The following RASSF6 variants were observed in gnomAD, a reference collection of about 807,000 sequenced individuals.
RASSF6 encodes Ras association domain family member 6, also known as ras association domain-containing protein 6.
A neutral mutation model predicts 44.0 loss-of-function variants in RASSF6; 52 were observed. That is an observed-to-expected ratio of 1.18 (90% CI 0.95 to 1.49). RASSF6 has a LOEUF of 1.49. Ranked by LOEUF, RASSF6 falls within the 40% of genes most tolerant of loss-of-function variation. The pLI, the probability that RASSF6 is intolerant of heterozygous loss-of-function variation, is 0.00. For synonymous variants in RASSF6, 162 were observed against 124.6 expected, an observed-to-expected ratio of 1.30 and a Z score of -2.00; for missense variants, 464 against 393.3, an observed-to-expected ratio of 1.18 and a Z score of -1.52.
Position 73,576,430 on chromosome 4 carries a change from C to A in RASSF6, c.918G>T (p.Glu306Asp), listed in dbSNP as rs1462742398. ...CTTACTTTGTTACTATTCTTTGAAT[C>A]TCTCTTTTCTCTTCTTCATTTAATC... ...LQRLNEEEKR[E>D]IQRIVTKFNK... is the part of the protein sequence containing the mutation. Residue 306 changes from glutamate (E) to aspartate (D), a missense_variant, in exon 10 of 11, where the codon GAG (glutamate) becomes GAT (aspartate). Physicochemically the swap from Glu to Asp is conservative, Grantham distance 45. Transcript: ENST00000307439. 15 of 1,572,770 alleles carry A rather than the reference C, an allele frequency of 9.5e-6. No homozygotes were observed. The highest frequency in any genetic ancestry group is 2.7e-5 in the African/African-American group (2 of 73,596).
At position 73,603,487 on chromosome 4, in the gene RASSF6, G is replaced by C. The variant is rs1490341026; in HGVS notation, c.66-4769C>G. 2.6e-5 allele frequency among the ~76,000 whole-genome samples: 4 copies of C among 152,012 alleles called. No homozygotes were observed. In the South Asian group the frequency reaches 6.2e-4, roughly 24 times the overall value. ...ACTGACCTTGGTGGGGGGCAGGTCA[G>C]GGGGAGGGATGCTGAGGGGATCCCA... On this transcript the variant is annotated intron_variant, in intron 2 of 10. Transcript: ENST00000307439.
At chr4:73,593,085 G>A (rs1724681187) in intron 4 of RASSF6, among the ~76,000 whole-genome samples, 1 of 150,502 alleles carries the variant, frequency 6.6e-6, no homozygotes, top group Non-Finnish European at 1.5e-5. Context: ...GCGCAATCTC[G>A]GCTCACTGCA....
chr4:73,590,400 T>A (rs185466291), intron 4 of RASSF6, among the ~76,000 whole-genome samples: 161 of 152,334 alleles, frequency 1.1e-3, no homozygotes, highest in Middle Eastern at 3.4e-3. Context: ...TCTGTCATCC[T>A]GCAAGAGCAG....
Position 73,572,499 on chromosome 4 carries a change from T to C in RASSF6, c.*3736A>G, listed in dbSNP as rs963824436. On this transcript the variant is annotated 3_prime_UTR_variant, in exon 11 of 11. Transcript: ENST00000307439. Reference sequence around the variant, plus strand: ...GTATACATATATAATAATATAATATTGTACCCCATAAATACATACAATTAT... The same window carrying C: ...GTATACATATATAATAATATAATATCGTACCCCATAAATACATACAATTAT... The C allele has an allele frequency of 2.0e-5, 3 of 152,114 alleles. No individual in the cohort carries two copies. Among genetic ancestry groups the C allele is most frequent in the Non-Finnish European group, 4.4e-5 (3 of 68,022 alleles). The allele number at this position is 152,114 out of a possible 1,614,324, so 9.4% of individuals were successfully genotyped here. A position where few individuals can be genotyped will look rare whatever the true frequency, so the allele number is the denominator to read the frequency against.
chr4:73,611,522 C>T (rs755967217), intron 2 of RASSF6, among the ~76,000 whole-genome samples: 4 of 151,944 alleles, frequency 2.6e-5, no homozygotes, highest in East Asian at 1.9e-4. Context: ...AAAGTAAAAC[C>T]ACTGTTAAAC....
intron 6 of RASSF6, 55 bp downstream of exon 6, chr4:73,585,125 A>T: frequency 8.0e-7 from 1 of 1,249,766 alleles, no homozygotes; most frequent in Non-Finnish European, 1.1e-6. Flanking sequence ...TGGTATTGTT[A>T]GTGAAACAGG....
intron 6 of RASSF6, among the ~76,000 whole-genome samples, chr4:73,582,749 G>A (rs1250164015): frequency 6.6e-6 from 1 of 151,886 alleles, no homozygotes; most frequent in African/African-American, 2.4e-5. Context: ...GTGGCTCATT[G>A]GACTGTTAAA....
At chr4:73,597,503 G>A (rs994921589) in intron 3 of RASSF6, among the ~76,000 whole-genome samples, 2 of 152,104 alleles carry the variant, frequency 1.3e-5, no homozygotes, top group Non-Finnish European at 2.9e-5. Flanking sequence ...GGAGAAAAAG[G>A]AACCCTTATA....
chr4:73,615,753 G>C (rs1448939535), intron 1 of RASSF6: 10 of 664,532 alleles, frequency 1.5e-5, no homozygotes, highest in African/African-American at 5.5e-5. Flanking sequence ...GGTAGAATTG[G>C]TCTGAACAAG....
At chr4:73,591,750 T>C (rs1217751771) in intron 4 of RASSF6, among the ~76,000 whole-genome samples, 1 of 152,006 alleles carries the variant, frequency 6.6e-6, no homozygotes, top group East Asian at 1.9e-4. Context: ...AGGGACTAAG[T>C]AGTGACAACA....
rs112201482 is a variant in RASSF6 at position 73,610,689 on chromosome 4, C to T, written c.65+1042G>A. ...TGCAGGCTTTTCCTCCAGTGCTTCC[C>T]GCTCACTGAGGAAGGAACTAGGTTA... On this transcript the variant is annotated intron_variant, in intron 2 of 10. Transcript: ENST00000307439. Among the ~76,000 whole-genome samples, 1,129 of 152,294 alleles carry T rather than the reference C, an allele frequency of 7.4e-3. 16 individuals carry two copies. The highest frequency in any genetic ancestry group is 0.026 in the African/African-American group (1,080 of 41,554).
At chr4:73,583,633 T>C (rs1366670931) in intron 6 of RASSF6, among the ~76,000 whole-genome samples, 1 of 152,194 alleles carries the variant, frequency 6.6e-6, no homozygotes, top group Non-Finnish European at 1.5e-5. Flanking sequence ...CTTTGTTTTT[T>C]CTTTTTTGTT....
intron 1 of RASSF6, among the ~76,000 whole-genome samples, chr4:73,612,807 C>T (rs1290132377): frequency 6.6e-6 from 1 of 152,142 alleles, no homozygotes; most frequent in East Asian, 1.9e-4. Flanking sequence ...CACAAACCAT[C>T]TTGGTATCTT....
intron 3 of RASSF6, 79 bp from the exon 4 acceptor site, chr4:73,593,672 T>C (rs1724737398): frequency 7.0e-7 from 1 of 1,431,168 alleles, no homozygotes; most frequent in South Asian, 1.3e-5. Flanking sequence ...GATGTAGAAA[T>C]TAAGTGCGTA....
chr4:73,603,981 A>C (rs1725453228), intron 2 of RASSF6: 1 of 152,204 alleles, frequency 6.6e-6, no homozygotes, highest in Admixed American at 6.5e-5. Context: ...ACTAAGGACA[A>C]AGCATAAATA....
intron 4 of RASSF6, among the ~76,000 whole-genome samples, chr4:73,589,764 A>G (rs367675347): frequency 2.4e-4 from 37 of 152,284 alleles, no homozygotes; most frequent in African/African-American, 8.7e-4. Context: ...TTGCCCAAAC[A>G]TGGGACTTCT....
At chr4:73,611,609 T>A (rs1726016157) in intron 2 of RASSF6, 122 bp downstream of exon 2, 1 of 540,158 alleles carries the variant, frequency 1.9e-6, no homozygotes, top group African/African-American at 1.9e-5. Flanking sequence ...TTATCTAGTA[T>A]CTCTACTGAT....
intron 2 of RASSF6, among the ~76,000 whole-genome samples, chr4:73,606,225 T>A (rs1327882450): frequency 6.6e-5 from 10 of 152,226 alleles, no homozygotes; most frequent in African/African-American, 2.2e-4. Flanking sequence ...CATGGAATAC[T>A]CTGTAGCCAT....
intron 2 of RASSF6, among the ~76,000 whole-genome samples, chr4:73,602,773 T>C (rs1226310757): frequency 6.6e-6 from 1 of 152,150 alleles, no homozygotes; most frequent in African/African-American, 2.4e-5. Context: ...GTCTGTGATG[T>C]CCAAGGCACG....
Sources: gnomAD v4.1 joint callset for allele counts (sites outside exome capture counted in the v4.1 genomes callset) on GRCh38, gnomAD v4.1.1 for gene constraint, MANE v1.5 for transcripts, NCBI Gene and HGNC (gene_info 2026-07-23, HGNC 2026-07-21) for gene names.